The following GOLIM4 variants were observed in gnomAD, a reference collection of about 807,000 sequenced individuals.
The protein encoded by GOLIM4 is 130 kDa golgi-localized phosphoprotein.
Under a neutral mutation model 107.4 loss-of-function variants are expected in GOLIM4, and 71 were observed. The ratio of observed to expected loss-of-function variants is 0.66; its 90% CI spans 0.55 to 0.81. The LOEUF is 0.81. Among genes scored for constraint, GOLIM4 ranks in the 30% least tolerant of loss-of-function variants. GOLIM4 has a pLI of 0.00. For missense variants in GOLIM4, 830 were observed against 826.1 expected (o/e 1.00, Z -0.06); for synonymous variants, 327 against 294.8 (o/e 1.11, Z -1.12).
intron 1 of GOLIM4, among the ~76,000 whole-genome samples, chr3:168,090,979 T>A (rs1034697638): frequency 6.6e-6 from 1 of 152,104 alleles, no homozygotes; most frequent in African/African-American, 2.4e-5. Flanking sequence ...CGGGCACACA[T>A]GGACATAGAG....
intron 12 of GOLIM4, among the ~76,000 whole-genome samples, chr3:168,027,240 C>T (rs187345108): frequency 1.3e-5 from 2 of 152,250 alleles, no homozygotes; most frequent in African/African-American, 4.8e-5. Flanking sequence ...ATATCCTTAT[C>T]CATATATTTA....
rs1280656796 is a variant in GOLIM4 at position 168,075,830 on chromosome 3, T to C, written c.187+19269A>G. 2.6e-5 allele frequency among the ~76,000 whole-genome samples: 4 copies of C among 152,190 alleles called. No homozygotes were observed. The East Asian group carries it at 7.7e-4, about 29-fold the overall frequency. ...ACCAGTTTTCAGTTTCTGACATTCTTAAGGGGACATAGAGAATCAAATTTT... is the reference window on the plus strand; with the variant it reads ...ACCAGTTTTCAGTTTCTGACATTCTCAAGGGGACATAGAGAATCAAATTTT... On this transcript the variant is annotated intron_variant, in intron 1 of 15. Coordinates refer to ENST00000470487, the MANE Select transcript of GOLIM4 (RefSeq NM_014498.5).
intron 1 of GOLIM4, among the ~76,000 whole-genome samples, chr3:168,061,178 G>A (rs150515835): frequency 6.6e-6 from 1 of 150,506 alleles, no homozygotes; most frequent in African/African-American, 2.4e-5. Flanking sequence ...AATAGGAACA[G>A]CCACTTAAAT....
intron 1 of GOLIM4, among the ~76,000 whole-genome samples, chr3:168,058,283 C>A (rs1720086265): frequency 6.6e-6 from 1 of 152,258 alleles, no homozygotes; most frequent in South Asian, 2.1e-4. Context: ...ACTGCCTTTT[C>A]TTTTGTGGAT....
chr3:168,026,992 G>A (rs1718026516), intron 12 of GOLIM4, among the ~76,000 whole-genome samples: 1 of 152,140 alleles, frequency 6.6e-6, no homozygotes, highest in Non-Finnish European at 1.5e-5. Context: ...GAGATGACAG[G>A]GCAGCTAAAA....
In GOLIM4 at chr3:168,095,567, A is replaced by G. The variant is rs940289009; in HGVS notation, c.-282T>C. ...GGAGGAGGCCCTCCGCATACTTCAGAGCCGGCTGCCCTCGCGCCTGTCCCC... is the reference window on the plus strand; with the variant it reads ...GGAGGAGGCCCTCCGCATACTTCAGGGCCGGCTGCCCTCGCGCCTGTCCCC... On this transcript the variant is annotated 5_prime_UTR_variant, in exon 1 of 16. Transcript: ENST00000470487. 28 of 407,224 alleles carry G rather than the reference A, an allele frequency of 6.9e-5. No individual in the cohort carries two copies. Among genetic ancestry groups the G allele is most frequent in the African/African-American group, 5.6e-4 (26 of 46,388 alleles). 25.2% of individuals were successfully genotyped at this position (407,224 alleles called of 1,614,324 possible).
intron 1 of GOLIM4, among the ~76,000 whole-genome samples, chr3:168,053,262 A>T (rs1040856876): frequency 6.6e-6 from 1 of 152,246 alleles, no homozygotes; most frequent in Non-Finnish European, 1.5e-5. Context: ...ATCAGAAAGC[A>T]ACACTCCAAA....
intron 1 of GOLIM4, among the ~76,000 whole-genome samples, chr3:168,067,774 T>C (rs1039689015): frequency 6.6e-6 from 1 of 152,058 alleles, no homozygotes; most frequent in African/African-American, 2.4e-5. Flanking sequence ...CCATATTAAA[T>C]GCATCAGAGA....
intron 1 of GOLIM4, among the ~76,000 whole-genome samples, chr3:168,086,856 T>C (rs866096645): frequency 1.3e-5 from 2 of 152,140 alleles, no homozygotes; most frequent in Non-Finnish European, 1.5e-5. Context: ...AAAATAGCAA[T>C]GCCCATTTCT....
At chr3:168,023,515 G>C (rs1200673032) in intron 14 of GOLIM4, among the ~76,000 whole-genome samples, 1 of 152,192 alleles carries the variant, frequency 6.6e-6, no homozygotes, top group African/African-American at 2.4e-5. Context: ...ACCTAGTCGA[G>C]GGAACTGTGT....
intron 14 of GOLIM4, among the ~76,000 whole-genome samples, chr3:168,023,700 T>TA (rs1717837121): frequency 6.6e-6 from 1 of 152,192 alleles, no homozygotes; most frequent in African/African-American, 2.4e-5. Context: ...GGGAACTACT[T>TA]ACTGGTCCAT....
intron 14 of GOLIM4, among the ~76,000 whole-genome samples, chr3:168,013,022 G>C (rs13092185): frequency 0.55 from 79,069 of 143,072 alleles, 23,920 homozygotes; most frequent in African/African-American, 0.81. Context: ...ATGACAGGAT[G>C]AAATTCACAC....
intron 1 of GOLIM4, among the ~76,000 whole-genome samples, chr3:168,057,138 A>C (rs1336229930): frequency 6.6e-6 from 1 of 151,918 alleles, no homozygotes; most frequent in Non-Finnish European, 1.5e-5. Flanking sequence ...TGATGGTTTT[A>C]AAAAAAGGAG....
intron 1 of GOLIM4, among the ~76,000 whole-genome samples, chr3:168,078,154 T>C (rs1354028490): frequency 6.6e-6 from 1 of 152,110 alleles, no homozygotes; most frequent in South Asian, 2.1e-4. Flanking sequence ...GAATCCCCTG[T>C]TAATTATTTG....
chr3:168,056,261 C>T (rs1173095838), intron 1 of GOLIM4, among the ~76,000 whole-genome samples: 1 of 152,224 alleles, frequency 6.6e-6, no homozygotes, highest in Non-Finnish European at 1.5e-5. Flanking sequence ...CCTGTGGGTG[C>T]ACAGAAGTCA....
chr3:168,095,022 C>G (rs149382718), intron 1 of GOLIM4, 77 bp downstream of exon 1: 16 of 1,199,752 alleles, frequency 1.3e-5, no homozygotes, highest in Admixed American at 2.1e-5. Flanking sequence ...CAATAGCTCA[C>G]CAAAGCCACT....
chr3:168,048,015 G>T (rs917701441), intron 2 of GOLIM4, among the ~76,000 whole-genome samples: 1 of 150,330 alleles, frequency 6.7e-6, no homozygotes, highest in South Asian at 2.1e-4. Context: ...ATATGCAGAT[G>T]AAAAATTATA....
intron 1 of GOLIM4, among the ~76,000 whole-genome samples, chr3:168,080,496 C>T (rs1721299627): frequency 6.6e-6 from 1 of 152,118 alleles, no homozygotes; most frequent in Admixed American, 6.5e-5. Context: ...TACACAGGAC[C>T]CTAGTGGCCA....
chr3:168,048,713 A>G (rs908327279), intron 1 of GOLIM4, among the ~76,000 whole-genome samples: 16 of 151,994 alleles, frequency 1.1e-4, no homozygotes, highest in African/African-American at 3.6e-4. Flanking sequence ...CTGACTTTTA[A>G]CCATCATCTG....
Sources: gnomAD v4.1 joint callset for allele counts (sites outside exome capture counted in the v4.1 genomes callset) on GRCh38, gnomAD v4.1.1 for gene constraint, MANE v1.5 for transcripts, NCBI Gene and HGNC (gene_info 2026-07-23, HGNC 2026-07-21) for gene names.